The following IQSEC1 variants were observed in gnomAD, a reference collection of about 807,000 sequenced individuals.
IQSEC1 encodes IQ motif and Sec7 domain ArfGEF 1.
A neutral mutation model predicts 91.0 loss-of-function variants in IQSEC1; 31 were observed. That is an observed-to-expected ratio of 0.34 (90% CI 0.26 to 0.46). The LOEUF is 0.46. IQSEC1 is among the 20% of genes least tolerant of loss of function. The probability of loss-of-function intolerance (pLI) is 1.00; values close to 1 mark genes in which losing one functional copy is unlikely to be tolerated. For synonymous variants in IQSEC1, 699 were observed against 662.6 expected, an observed-to-expected ratio of 1.05 and a Z score of -0.84; for missense variants, 1,388 against 1,575.6, an observed-to-expected ratio of 0.88 and a Z score of 2.02.
intron 1 of IQSEC1, among the ~76,000 whole-genome samples, chr3:13,221,251 G>A (rs1694653686): frequency 6.6e-6 from 1 of 152,200 alleles, no homozygotes; most frequent in Non-Finnish European, 1.5e-5. Flanking sequence ...TTTCCTGAGG[G>A]TGGACACAGG....
At chr3:12,976,025 TCA>T (rs1273916533) in intron 1 of IQSEC1, among the ~76,000 whole-genome samples, 4 of 152,252 alleles carry the variant, frequency 2.6e-5, no homozygotes, top group African/African-American at 9.6e-5. Flanking sequence ...TCTCTGAGCC[TCA>T]GTTTCCTCCT....
rs571853832 is a variant in IQSEC1 at position 13,018,321 on chromosome 3, C to T, written c.23+54671G>A. Among the ~76,000 whole-genome samples the T allele has an allele frequency of 3.3e-5, 5 of 152,254 alleles. No individual in the cohort carries two copies. The South Asian group carries it at 1.0e-3, about 32-fold the overall frequency. On this transcript the variant is annotated intron_variant, in intron 1 of 13. Transcript: ENST00000613206. ...AGCTGAGCTGTTCACGGCCCTCCTG[C>T]CCAGATGCAGCCACGGTGGGAAGGC... is the stretch of plus-strand genomic sequence containing the variant.
chr3:13,034,009 A>G (rs185145825), intron 1 of IQSEC1, among the ~76,000 whole-genome samples: 31 of 152,306 alleles, frequency 2.0e-4, no homozygotes, highest in Admixed American at 1.6e-3. Context: ...TGCCAGTCAG[A>G]CTGCATTAGG....
chr3:12,925,040 G>C (rs1695037861), intron 3 of IQSEC1, among the ~76,000 whole-genome samples: 1 of 152,228 alleles, frequency 6.6e-6, no homozygotes, highest in African/African-American at 2.4e-5. Flanking sequence ...CTTGTACAAA[G>C]AATGGGCTGG....
chr3:12,988,416 AAAAAATAAAAAT>A (rs925268607), intron 1 of IQSEC1, among the ~76,000 whole-genome samples: 1 of 152,188 alleles, frequency 6.6e-6, no homozygotes, highest in Non-Finnish European at 1.5e-5. Flanking sequence ...CTCTATCTCA[AAAAAATAAAAAT>A]AAAAATAAAA....
chr3:12,960,017 C>T lies in IQSEC1; in HGVS notation c.24-18152G>A, dbSNP rs528419450. 3.9e-5 allele frequency among the ~76,000 whole-genome samples: 6 copies of T among 152,320 alleles called. No homozygotes were observed. The South Asian group carries it at 1.2e-3, about 32-fold the overall frequency. ...CACGTTCCTGCGACCGCACCTCCCC[C>T]TCCCCCAGCAGCAGAGGAAAGAGCT... On this transcript the variant is annotated intron_variant, in intron 1 of 13. Transcript: ENST00000613206.
In IQSEC1 at chr3:12,940,996, C is replaced by T. The variant is rs1698695035; in HGVS notation, c.318+575G>A. ...CTGGGCCACCTCTAAGGGCCAAGGC[C>T]CCTGGGGGAGGGGTGCAGTCTTCAA... On this transcript the variant is annotated intron_variant, in intron 2 of 13. Coordinates refer to ENST00000613206, the MANE Select transcript of IQSEC1 (RefSeq NM_001134382.3). This position sits in a 1 kb window ranked among gnomAD's most constrained non-coding sequence, Gnocchi z 4.4. Among the ~76,000 whole-genome samples the T allele has an allele frequency of 6.6e-6, 1 of 152,168 alleles. No homozygotes were observed. Among genetic ancestry groups the T allele is most frequent in the Non-Finnish European group, 1.5e-5 (1 of 68,028 alleles).
chr3:13,089,387 C>T (rs1398659811), intron 2 of IQSEC1, among the ~76,000 whole-genome samples: 1 of 152,052 alleles, frequency 6.6e-6, no homozygotes, highest in African/African-American at 2.4e-5. Flanking sequence ...TGATACCATA[C>T]TGGGCAACAC....
intron 1 of IQSEC1, among the ~76,000 whole-genome samples, chr3:13,274,241 A>G (rs919900627): frequency 5.9e-5 from 9 of 152,138 alleles, no homozygotes; most frequent in Non-Finnish European, 1.3e-4. Context: ...ACCACCAGAC[A>G]CGTGCTAAGG....
At chr3:13,242,951 C>T (rs904641638) in intron 1 of IQSEC1, among the ~76,000 whole-genome samples, 1 of 152,030 alleles carries the variant, frequency 6.6e-6, no homozygotes, top group African/African-American at 2.4e-5. Flanking sequence ...GGGGGCCCTA[C>T]GGGAAACTCT....
chr3:13,277,106 TAAAAA>T (rs4034193), intron 1 of IQSEC1, among the ~76,000 whole-genome samples: 4,201 of 35,778 alleles, frequency 0.12, 133 homozygotes, highest in East Asian at 0.23. Context: ...TGCTCCTCCT[TAAAAA>T]AAAAAAAAAA....
intron 2 of IQSEC1, among the ~76,000 whole-genome samples, chr3:13,090,426 G>T (rs948819263): frequency 1.3e-5 from 2 of 152,186 alleles, no homozygotes; most frequent in African/African-American, 4.8e-5. Flanking sequence ...ATGTATGAAT[G>T]AATGATTGCA....
chr3:13,191,058 G>C (rs1438369174), intron 1 of IQSEC1, among the ~76,000 whole-genome samples: 1 of 152,146 alleles, frequency 6.6e-6, no homozygotes, highest in Non-Finnish European at 1.5e-5. Flanking sequence ...ACATACCCCG[G>C]TTCAGCATAA....
chr3:13,249,835 G>C (rs997169147), intron 1 of IQSEC1, among the ~76,000 whole-genome samples: 1 of 152,188 alleles, frequency 6.6e-6, no homozygotes, highest in African/African-American at 2.4e-5. Flanking sequence ...ATCCTCTTGG[G>C]GCAGGACTGA....
intron 1 of IQSEC1, among the ~76,000 whole-genome samples, chr3:12,947,481 ATCACCT>A (rs1699260843): frequency 1.3e-5 from 2 of 151,478 alleles, no homozygotes; most frequent in African/African-American, 4.8e-5. Context: ...CACCCCGGGG[ATCACCT>A]GATCTCGTGT....
At chr3:13,243,452 A>G (rs1265429101) in intron 1 of IQSEC1, among the ~76,000 whole-genome samples, 8 of 152,258 alleles carry the variant, frequency 5.3e-5, no homozygotes, top group Non-Finnish European at 1.2e-4. Context: ...TTGAGAATAC[A>G]CTGCAGACAG....
At chr3:13,154,438 C>CACACATATATATAT (rs1277879413) in intron 2 of IQSEC1, among the ~76,000 whole-genome samples, 2 of 20,746 alleles carry the variant, frequency 9.6e-5, no homozygotes, top group Non-Finnish European at 1.6e-4. Context: ...AACTTACATG[C>CACACATATATATAT]ATATATATAT....
intron 1 of IQSEC1, among the ~76,000 whole-genome samples, chr3:12,946,029 G>T (rs1483677941): frequency 6.6e-6 from 1 of 152,164 alleles, no homozygotes. Flanking sequence ...TTCTTCCTGG[G>T]GCAGGAAGAA....
At position 13,214,320 on chromosome 3, in the gene IQSEC1, C is replaced by G. The variant is rs1009448982; in HGVS notation, c.273-50187G>C. Among the ~76,000 whole-genome samples, 8 of 152,254 alleles carry G rather than the reference C, an allele frequency of 5.3e-5. No homozygotes were observed. The highest frequency in any genetic ancestry group is 5.2e-4 in the Admixed American group (8 of 15,284). On this transcript the variant is annotated intron_variant, in intron 1 of 15. Coordinates refer to the IQSEC1 transcript ENST00000648114. This position sits in a 1 kb window ranked among gnomAD's most constrained non-coding sequence, Gnocchi z 4.5. Reference sequence around the variant, plus strand: ...CTGCAGAGGACCCGGAACACCACATCTGCTGCTCCCAACACCCTTGTCCAG... The same window carrying G: ...CTGCAGAGGACCCGGAACACCACATGTGCTGCTCCCAACACCCTTGTCCAG...
Sources: allele counts gnomAD v4.1 joint callset (sites outside exome capture counted in the v4.1 genomes callset), GRCh38; gene constraint gnomAD v4.1.1; non-coding constraint Gnocchi (gnomAD v3.1); transcripts MANE v1.5; gene names NCBI Gene and HGNC (gene_info 2026-07-23, HGNC 2026-07-21).